Variants in TBL1XR1 observed in about 807,000 individuals in gnomAD.
The protein encoded by TBL1XR1 is F-box-like/WD repeat-containing protein TBL1XR1.
TBL1XR1 carries 5 observed loss-of-function variants against 66.9 expected under a neutral mutation model. The ratio of observed to expected loss-of-function variants is 0.07; its 90% CI spans 0.04 to 0.16. The LOEUF (loss-of-function observed/expected upper bound fraction) is 0.16. Among genes scored for constraint, TBL1XR1 ranks in the 10% least tolerant of loss-of-function variants. TBL1XR1 has a pLI of 1.00. For missense variants in TBL1XR1, 238 were observed against 623.2 expected (o/e 0.38, Z 6.58); for synonymous variants, 210 against 206.0 (o/e 1.02, Z -0.17).
chr3:177,179,318 A>C (rs527416557), intron 1 of TBL1XR1, among the ~76,000 whole-genome samples: 5 of 152,114 alleles, frequency 3.3e-5, no homozygotes, highest in Non-Finnish European at 5.9e-5. Flanking sequence ...CCTGATGCAA[A>C]ACATGAATAT....
intron 1 of TBL1XR1, among the ~76,000 whole-genome samples, chr3:177,169,628 G>C (rs1464302338): frequency 6.6e-6 from 1 of 152,194 alleles, no homozygotes; most frequent in Non-Finnish European, 1.5e-5. Context: ...TCCAGTAATG[G>C]AGTGGTACAA....
intron 1 of TBL1XR1, chr3:177,171,377 ATG>A (rs1415231603): frequency 6.6e-6 from 1 of 151,442 alleles, no homozygotes; most frequent in African/African-American, 2.4e-5. Flanking sequence ...TAAAATCCAT[ATG>A]AAGACACTAC....
chr3:177,133,876 C>CAAAAAAAA (rs541940840), intron 1 of TBL1XR1, among the ~76,000 whole-genome samples: 14,044 of 104,818 alleles, frequency 0.13, 1,373 homozygotes, highest in East Asian at 0.35. Context: ...ACTCCTATCT[C>CAAAAAAAA]AAAAAAAAAA....
intron 1 of TBL1XR1, among the ~76,000 whole-genome samples, chr3:177,113,656 C>A (rs1484607785): frequency 6.6e-6 from 1 of 151,988 alleles, no homozygotes; most frequent in Non-Finnish European, 1.5e-5. Context: ...CATATGGAGA[C>A]CCCATCTCTA....
At chr3:177,193,817 T>C (rs9864421) in intron 1 of TBL1XR1, among the ~76,000 whole-genome samples, 2,423 of 152,334 alleles carry the variant, frequency 0.016, 57 homozygotes, top group African/African-American at 0.055. Flanking sequence ...GATTCAGTCA[T>C]CTAAGACAGA....
chr3:177,113,445 A>C (rs1725906514), intron 1 of TBL1XR1, among the ~76,000 whole-genome samples: 1 of 152,196 alleles, frequency 6.6e-6, no homozygotes, highest in Non-Finnish European at 1.5e-5. Flanking sequence ...AACCTACAGG[A>C]GAAAATATTT....
At chr3:177,139,580 T>TA (rs1729396005) in intron 1 of TBL1XR1, among the ~76,000 whole-genome samples, 1 of 149,284 alleles carries the variant, frequency 6.7e-6, no homozygotes, top group Admixed American at 6.7e-5. Context: ...AACTGTGTAA[T>TA]AAAATGGGAC....
intron 10 of TBL1XR1, among the ~76,000 whole-genome samples, chr3:177,042,698 A>G (rs2108456803): frequency 6.6e-6 from 1 of 152,326 alleles, no homozygotes; most frequent in East Asian, 1.9e-4. Flanking sequence ...AAGTGTGTTC[A>G]CTAATACCCA....
At chr3:177,127,930 T>C (rs1727836472) in intron 1 of TBL1XR1, among the ~76,000 whole-genome samples, 1 of 152,166 alleles carries the variant, frequency 6.6e-6, no homozygotes, top group Non-Finnish European at 1.5e-5. Context: ...CAAAACATTG[T>C]AAAACGGGCC....
chr3:177,038,474 T>C lies in TBL1XR1; in HGVS notation c.926-40A>G, dbSNP rs148603300. On this transcript the variant is annotated intron_variant, in intron 10 of 15. Transcript: ENST00000457928. ...AGGTTAGATTTGCTTTTATTCCACA[T>C]GTACTAAAATCCAAGAGTTTTAGCT... The C allele has an allele frequency of 2.5e-4, 357 of 1,454,742 alleles. 1 individual carries two copies. The East Asian group carries it at 4.5e-3, about 18-fold the overall frequency. 90.1% of individuals were successfully genotyped at this position (1,454,742 alleles called of 1,614,324 possible).
chr3:177,178,743 G>A (rs1734448313), intron 1 of TBL1XR1, among the ~76,000 whole-genome samples: 1 of 152,132 alleles, frequency 6.6e-6, no homozygotes, highest in Non-Finnish European at 1.5e-5. Flanking sequence ...AAGACAAGTT[G>A]TGGAAAAGGT....
At chr3:177,030,084 C>T (rs969561935) in intron 14 of TBL1XR1, among the ~76,000 whole-genome samples, 2 of 151,298 alleles carry the variant, frequency 1.3e-5, no homozygotes, top group Non-Finnish European at 2.9e-5. Flanking sequence ...ACAGGATATG[C>T]TATGCACAGG....
intron 1 of TBL1XR1, among the ~76,000 whole-genome samples, chr3:177,105,417 G>T (rs888066009): frequency 1.3e-5 from 2 of 151,960 alleles, no homozygotes; most frequent in African/African-American, 4.8e-5. Flanking sequence ...ATGAAGGGGG[G>T]ATATCAAGCT....
At chr3:177,173,696 C>T (rs189591626) in intron 1 of TBL1XR1, among the ~76,000 whole-genome samples, 3 of 152,128 alleles carry the variant, frequency 2.0e-5, no homozygotes, top group Admixed American at 2.0e-4. Flanking sequence ...TGGAAAAAAC[C>T]GGAGAAATCC....
At chr3:177,157,958 G>C (rs1389698891) in intron 1 of TBL1XR1, among the ~76,000 whole-genome samples, 1 of 152,034 alleles carries the variant, frequency 6.6e-6, no homozygotes, top group African/African-American at 2.4e-5. Context: ...TTTGTTTGAA[G>C]ATCATAAATA....
chr3:177,110,835 G>A (rs183138259), intron 1 of TBL1XR1: 51 of 152,202 alleles, frequency 3.4e-4, no homozygotes, highest in African/African-American at 1.1e-3. Context: ...AAAAGAAGCC[G>A]GAAATTGTCT....
intron 3 of TBL1XR1, among the ~76,000 whole-genome samples, chr3:177,064,047 A>G (rs1290587564): frequency 6.6e-6 from 1 of 152,180 alleles, no homozygotes; most frequent in Non-Finnish European, 1.5e-5. Context: ...TGGGGGCTCA[A>G]TATTCTACAA....
At chr3:177,047,774 T>C in intron 7 of TBL1XR1, 1 of 518,066 alleles carries the variant, frequency 1.9e-6, no homozygotes, top group Non-Finnish European at 3.5e-6. Flanking sequence ...GTTCAACAAC[T>C]GACAGTGATT....
At chr3:177,035,248 T>C (rs1714607277) in intron 12 of TBL1XR1, among the ~76,000 whole-genome samples, 1 of 152,140 alleles carries the variant, frequency 6.6e-6, no homozygotes, top group Non-Finnish European at 1.5e-5. Context: ...TTGAAATAAG[T>C]TTCCTCTACA....
Sources: gnomAD v4.1 joint callset for allele counts (sites outside exome capture counted in the v4.1 genomes callset) on GRCh38, gnomAD v4.1.1 for gene constraint, MANE v1.5 for transcripts, NCBI Gene and HGNC (gene_info 2026-07-23, HGNC 2026-07-21) for gene names.